Variants in UBE3C observed in about 807,000 individuals in gnomAD.
UBE3C encodes ubiquitin-protein ligase E3C.
A neutral mutation model predicts 129.4 loss-of-function variants in UBE3C; 42 were observed. The ratio of observed to expected loss-of-function variants is 0.32; its 90% CI spans 0.25 to 0.42. The LOEUF (loss-of-function observed/expected upper bound fraction) is 0.42, where lower values mean the gene tolerates loss of function less well. Among genes scored for constraint, UBE3C ranks in the 10% least tolerant of loss-of-function variants. The probability of loss-of-function intolerance (pLI) is 1.00; values close to 1 mark genes in which losing one functional copy is unlikely to be tolerated. For missense variants in UBE3C, 1,049 were observed against 1,319.1 expected (o/e 0.80, Z 3.17); for synonymous variants, 510 against 492.4 (o/e 1.04, Z -0.47).
chr7:157,217,140 A>G (rs1795603774), intron 14 of UBE3C, 169 bp downstream of exon 14: 1 of 513,668 alleles, frequency 1.9e-6, no homozygotes, highest in Non-Finnish European at 3.4e-6. Flanking sequence ...TTAATGGAAC[A>G]TATAGCAGTA....
At chr7:157,188,936 C>A in intron 10 of UBE3C, 1 of 665,000 alleles carries the variant, frequency 1.5e-6, no homozygotes, top group Non-Finnish European at 2.8e-6. Context: ...TTCTGTTTAA[C>A]ACTGATTGTC....
intron 17 of UBE3C, among the ~76,000 whole-genome samples, chr7:157,227,423 G>T (rs992331583): frequency 5.3e-5 from 8 of 152,150 alleles, no homozygotes; most frequent in Admixed American, 2.0e-4. Flanking sequence ...CCTGGGCGTG[G>T]CGCAGTGGCT....
intron 18 of UBE3C, among the ~76,000 whole-genome samples, chr7:157,241,789 CAG>C (rs1441386254): frequency 2.0e-5 from 3 of 152,152 alleles, no homozygotes; most frequent in African/African-American, 4.8e-5. Context: ...AACGGGTAAA[CAG>C]AATACGGTTC....
intron 2 of UBE3C, among the ~76,000 whole-genome samples, chr7:157,168,556 A>G (rs1233578623): frequency 2.6e-5 from 4 of 152,210 alleles, no homozygotes; most frequent in African/African-American, 7.2e-5. Flanking sequence ...CCATCAGTAG[A>G]TGAATGGAGG....
intron 18 of UBE3C, among the ~76,000 whole-genome samples, chr7:157,244,371 T>C (rs1796422128): frequency 6.6e-6 from 1 of 152,262 alleles, no homozygotes; most frequent in African/African-American, 2.4e-5. Context: ...AGCACAATTA[T>C]TAAATAGCGT....
intron 5 of UBE3C, among the ~76,000 whole-genome samples, chr7:157,177,326 T>G (rs954739145): frequency 2.0e-5 from 3 of 152,226 alleles, no homozygotes; most frequent in Non-Finnish European, 4.4e-5. Flanking sequence ...AATCTTTTAC[T>G]TCATTTTTTA....
chr7:157,147,969 T>C (rs907627063), intron 1 of UBE3C, among the ~76,000 whole-genome samples: 12 of 152,262 alleles, frequency 7.9e-5, no homozygotes, highest in African/African-American at 2.7e-4. Context: ...TTTGCATCTC[T>C]TTTGATGAGG....
At chr7:157,215,906 C>G (rs1185112791) in intron 13 of UBE3C, among the ~76,000 whole-genome samples, 1 of 152,188 alleles carries the variant, frequency 6.6e-6, no homozygotes, top group Non-Finnish European at 1.5e-5. Context: ...TCAAGTCAGT[C>G]ATTTAGTACC....
At chr7:157,181,739 T>G in intron 7 of UBE3C, 68 bp downstream of exon 7, 1 of 1,542,360 alleles carries the variant, frequency 6.5e-7, no homozygotes, top group South Asian at 1.2e-5. Context: ...AACTTTTACA[T>G]AGGATGTGAT....
At position 157,189,808 on chromosome 7, in the gene UBE3C, TGTTA is replaced by T. The variant is rs560427759; in HGVS notation, c.1331+2791_1331+2794del. 2.8e-3 allele frequency among the ~76,000 whole-genome samples: 373 copies of T among 134,180 alleles called. 1 individual carries two copies. The highest frequency in any genetic ancestry group is 4.7e-3 in the Non-Finnish European group (310 of 65,692). The allele number at this position is 134,180 out of a possible 152,430, so 88.0% of individuals were successfully genotyped here. ...CTTTTTGTATTCAGTTTTTTAGGGT[TGTTA>T]GTTTGTGACGGAGTCTCTTGCCTTG... On this transcript the variant is annotated intron_variant, in intron 10 of 22. Transcript: ENST00000348165.
At chr7:157,263,268 ACCTGTCGTAACGCCACCTTCCCCGGGCG>A (rs1355281056) in intron 22 of UBE3C, 1 of 119,358 alleles carries the variant, frequency 8.4e-6, no homozygotes, top group East Asian at 1.9e-4. Flanking sequence ...CTTCCCAGGC[ACCTGTCGTAACGCCACCTTCCCCGGGCG>A]CCTGTCCTAA....
chr7:157,238,987 T>C (rs1481382936), intron 18 of UBE3C, among the ~76,000 whole-genome samples: 1 of 152,174 alleles, frequency 6.6e-6, no homozygotes, highest in Admixed American at 6.5e-5. Context: ...GGCCATGTCA[T>C]TTAGCACTCT....
chr7:157,170,839 T>C (rs1808348251), intron 4 of UBE3C, among the ~76,000 whole-genome samples: 1 of 152,098 alleles, frequency 6.6e-6, no homozygotes, highest in South Asian at 2.1e-4. Context: ...AAGGTCTCAG[T>C]GTTTACATTT....
At chr7:157,178,930 G>T in intron 6 of UBE3C, 83 bp downstream of exon 6, 1 of 1,531,184 alleles carries the variant, frequency 6.5e-7, no homozygotes. Flanking sequence ...GTGAGCCTGT[G>T]CCCTCAGTCT....
At chr7:157,168,538 C>T (rs1032663279) in intron 2 of UBE3C, among the ~76,000 whole-genome samples, 1 of 152,072 alleles carries the variant, frequency 6.6e-6, no homozygotes, top group East Asian at 1.9e-4. Flanking sequence ...TGGGAGCAGC[C>T]CAGATGTCCA....
intron 14 of UBE3C, chr7:157,217,374 A>C (rs1586696306): frequency 6.0e-6 from 1 of 165,584 alleles, no homozygotes; most frequent in Non-Finnish European, 1.3e-5. Flanking sequence ...GTGGTCTCAA[A>C]CTCCCAGCCT....
intron 2 of UBE3C, among the ~76,000 whole-genome samples, chr7:157,168,766 T>C (rs1808286800): frequency 6.6e-6 from 1 of 152,068 alleles, no homozygotes; most frequent in African/African-American, 2.4e-5. Flanking sequence ...AGTAGATGAG[T>C]GATTGCCAGG....
chr7:157,242,537 T>TAA lies in UBE3C; in HGVS notation c.2482-5829_2482-5828dup, dbSNP rs1554436968. Reference sequence around the variant, plus strand: ...TTGTTTTTTTTTTTTTTTTTTTTTTTAAATTCCTACTGTCTTTCAGAAGCA... The same window carrying TAA: ...TTGTTTTTTTTTTTTTTTTTTTTTTTAAAAATTCCTACTGTCTTTCAGAAGCA... On this transcript the variant is annotated intron_variant, in intron 18 of 22. Transcript: ENST00000348165. Among the ~76,000 whole-genome samples the TAA allele has an allele frequency of 1.0e-4, 14 of 140,574 alleles. 1 individual carries two copies. Among genetic ancestry groups the TAA allele is most frequent in the South Asian group, 4.8e-4 (2 of 4,176 alleles). 92.2% of individuals were successfully genotyped at this position (140,574 alleles called of 152,430 possible).
chr7:157,247,772 A>G (rs1366337255), intron 18 of UBE3C, among the ~76,000 whole-genome samples: 1 of 151,894 alleles, frequency 6.6e-6, no homozygotes, highest in African/African-American at 2.4e-5. Context: ...AGCCACCCTC[A>G]CTCATTGACA....
Sources: gnomAD v4.1 joint callset for allele counts (sites outside exome capture counted in the v4.1 genomes callset) on GRCh38, gnomAD v4.1.1 for gene constraint, MANE v1.5 for transcripts, NCBI Gene and HGNC (gene_info 2026-07-23, HGNC 2026-07-21) for gene names.